PKHD1: variants seen among roughly 807,000 people sequenced by gnomAD.
PKHD1 encodes PKHD1 ciliary IPT domain containing fibrocystin/polyductin.
Under a neutral mutation model 412.0 loss-of-function variants are expected in PKHD1, and 291 were observed. The ratio of observed to expected loss-of-function variants is 0.71; its 90% CI spans 0.64 to 0.78. The LOEUF is 0.78. Among genes scored for constraint, PKHD1 ranks in the 30% least tolerant of loss-of-function variants. The pLI is 0.00. For synonymous variants in PKHD1, 1,777 were observed against 1,821.5 expected, an observed-to-expected ratio of 0.98 and a Z score of 0.62; for missense variants, 4,825 against 4,950.7, an observed-to-expected ratio of 0.97 and a Z score of 0.76.
intron 36 of PKHD1, among the ~76,000 whole-genome samples, chr6:51,957,881 A>G (rs964905836): frequency 6.6e-6 from 1 of 152,038 alleles, no homozygotes; most frequent in Non-Finnish European, 1.5e-5. Context: ...TGCCAGCATC[A>G]CTTATTTTAG....
At chr6:51,819,902 A>G (rs1562384399) in intron 52 of PKHD1, among the ~76,000 whole-genome samples, 1 of 152,204 alleles carries the variant, frequency 6.6e-6, no homozygotes, top group Non-Finnish European at 1.5e-5. Flanking sequence ...GAACGTTAGA[A>G]TGTCCCTTCT....
rs1487603082 is a variant in PKHD1, at chr6:51,912,471, A to G, written c.6227T>C (p.Val2076Ala). ...DAVDWNPGDE[V>A]VIISGTGVKG... ...AACACCTGTTCCACTGATGATGACA[A>G]CTTCATCCCCAGGGTTCCAGTCCAC... The change falls in exon 38 of 67, where the codon GTT (valine) becomes GCT (alanine). Residue 2076 changes from valine to alanine, a missense_variant. Val to Ala is a moderately conservative substitution (Grantham distance 64, BLOSUM62 0). Transcript: ENST00000371117. The G allele has an allele frequency of 2.5e-6, 4 of 1,611,598 alleles. No individual in the cohort carries two copies. The highest frequency in any genetic ancestry group is 3.4e-6 in the Non-Finnish European group (4 of 1,177,930).
chr6:51,748,420 C>T lies in PKHD1; in HGVS notation c.9196G>A (p.Val3066Ile), dbSNP rs754544784. ...QAYTVTNNLV[V>I]LMTQPAWSTI... ...GACCACGCTGGCTGTGTCATCAGAA[C>T]CACAAGGTTATTAGTGACAGTATAG... The change falls in exon 58 of 67, where the codon GTT becomes ATT. Residue 3066 changes from valine (V) to isoleucine (I), a missense_variant. Val to Ile is a conservative substitution (Grantham distance 29). Transcript: ENST00000371117. 3.6e-5 allele frequency: 58 copies of T among 1,613,962 alleles called. No individual in the cohort carries two copies. Among genetic ancestry groups the T allele is most frequent in the Non-Finnish European group, 4.8e-5 (57 of 1,179,988 alleles).
intron 7 of PKHD1, 124 bp downstream of exon 7, chr6:52,073,339 G>A: frequency 3.8e-6 from 3 of 782,394 alleles, no homozygotes; most frequent in East Asian, 2.4e-5. Flanking sequence ...ACCATAAACT[G>A]CAAAAAGGAA....
chr6:51,770,283 C>T (rs1008481628), intron 55 of PKHD1, among the ~76,000 whole-genome samples: 2 of 151,664 alleles, frequency 1.3e-5, no homozygotes, highest in East Asian at 1.9e-4. Context: ...TAGTGTTTTG[C>T]TATGATTGAA....
intron 53 of PKHD1, among the ~76,000 whole-genome samples, chr6:51,781,438 T>A (rs9463712): frequency 0.59 from 89,093 of 151,978 alleles, 26,878 homozygotes; most frequent in East Asian, 0.83. Context: ...CTCTCAATTT[T>A]TCAATTAATG....
intron 33 of PKHD1, among the ~76,000 whole-genome samples, chr6:52,018,769 C>T (rs1800940315): frequency 6.6e-6 from 1 of 152,126 alleles, no homozygotes; most frequent in Non-Finnish European, 1.5e-5. Flanking sequence ...CCTGCCTCAG[C>T]CTCAAAAAGT....
intron 60 of PKHD1, among the ~76,000 whole-genome samples, chr6:51,709,689 G>A (rs886634374): frequency 1.3e-5 from 2 of 152,084 alleles, no homozygotes; most frequent in African/African-American, 2.4e-5. Context: ...CTGACGTAAA[G>A]GTTTTCCTAT....
At chr6:51,837,275 C>G (rs539550973) in intron 50 of PKHD1, among the ~76,000 whole-genome samples, 2 of 152,198 alleles carry the variant, frequency 1.3e-5, no homozygotes, top group Admixed American at 6.5e-5. Context: ...CACCTTCCAC[C>G]ACTGGAGCAC....
rs1394431107 is a variant in PKHD1, at chr6:52,043,623, A to G, written c.2821+2T>C. 2 of 1,600,150 alleles carry G rather than the reference A, an allele frequency of 1.2e-6. No homozygotes were observed. The highest frequency in any genetic ancestry group is 3.3e-5 in the Admixed American group (2 of 59,936). On this transcript the variant is annotated splice_donor_variant, in intron 26 of 66. Transcript: ENST00000371117. LOFTEE classifies it high-confidence loss of function. ...ATCTCAGAGCCAAGTGACAAATCAT[A>G]CCAATGGAGTACCACACAGAATGGA...
chr6:52,026,259 AG>A, intron 31 of PKHD1, 78 bp from the exon 32 acceptor site: 1 of 1,364,968 alleles, frequency 7.3e-7, no homozygotes. Flanking sequence ...TGGAAGTCCT[AG>A]GTCAATTAAG....
intron 52 of PKHD1, among the ~76,000 whole-genome samples, chr6:51,823,709 C>T (rs9474093): frequency 0.42 from 64,491 of 151,924 alleles, 14,466 homozygotes; most frequent in Middle Eastern, 0.61. Flanking sequence ...CTATTTTAAT[C>T]GAAATTTCAT....
intron 60 of PKHD1, among the ~76,000 whole-genome samples, chr6:51,679,212 T>A (rs140788626): frequency 6.6e-6 from 1 of 152,098 alleles, no homozygotes; most frequent in Non-Finnish European, 1.5e-5. Flanking sequence ...AAATCTTTCA[T>A]GGCTGCTTAT....
At chr6:51,847,299 A>G (rs1198629118) in intron 50 of PKHD1, among the ~76,000 whole-genome samples, 1 of 127,742 alleles carries the variant, frequency 7.8e-6, no homozygotes, top group Non-Finnish European at 1.6e-5. Flanking sequence ...ATGGGGTCTC[A>G]CTTTGCTGCC....
intron 39 of PKHD1, among the ~76,000 whole-genome samples, chr6:51,911,401 C>T (rs1782920775): frequency 6.6e-6 from 1 of 152,118 alleles, no homozygotes; most frequent in Non-Finnish European, 1.5e-5. Context: ...GGGAGCCCTA[C>T]AAGTCTAATC....
At chr6:51,818,203 CCT>C (rs1765789999) in intron 52 of PKHD1, among the ~76,000 whole-genome samples, 1 of 152,144 alleles carries the variant, frequency 6.6e-6, no homozygotes, top group Admixed American at 6.5e-5. Context: ...AGAATCCTGG[CCT>C]GGATAATGCA....
chr6:51,697,043 C>T (rs1000371937), intron 60 of PKHD1, among the ~76,000 whole-genome samples: 1 of 151,866 alleles, frequency 6.6e-6, no homozygotes, highest in Non-Finnish European at 1.5e-5. Flanking sequence ...AGAAAAATTA[C>T]CCAGGCATGG....
intron 60 of PKHD1, among the ~76,000 whole-genome samples, chr6:51,670,992 A>G (rs1774862144): frequency 6.6e-6 from 1 of 151,416 alleles, no homozygotes; most frequent in Non-Finnish European, 1.5e-5. Context: ...TTTTTCCTTC[A>G]TTTCAACTTT....
chr6:52,053,968 A>G (rs754535309), intron 20 of PKHD1, 70 bp downstream of exon 20: 28 of 1,514,980 alleles, frequency 1.8e-5, no homozygotes, highest in African/African-American at 2.7e-5. Flanking sequence ...TGAGGTGGGT[A>G]ACTGTCCCCA....
Sources: gnomAD v4.1 joint callset for allele counts (sites outside exome capture counted in the v4.1 genomes callset) on GRCh38, gnomAD v4.1.1 for gene constraint, MANE v1.5 for transcripts, NCBI Gene and HGNC (gene_info 2026-07-23, HGNC 2026-07-21) for gene names.